Variants in CACNB2 observed in about 807,000 individuals in gnomAD.
CACNB2 encodes the protein calcium voltage-gated channel auxiliary subunit beta 2, also known as voltage-dependent L-type calcium channel subunit beta-2.
A neutral mutation model predicts 73.3 loss-of-function variants in CACNB2; 42 were observed. The observed-to-expected ratio is 0.57, with a 90% CI of 0.45 to 0.74. The LOEUF (loss-of-function observed/expected upper bound fraction) is 0.74, where lower values mean the gene tolerates loss of function less well. Among genes scored for constraint, CACNB2 ranks in the 30% least tolerant of loss-of-function variants. The probability of loss-of-function intolerance (pLI) is 0.00; values close to 1 mark genes in which losing one functional copy is unlikely to be tolerated. For missense variants in CACNB2, 940 were observed against 853.0 expected (o/e 1.10, Z -1.27); for synonymous variants, 348 against 310.3 (o/e 1.12, Z -1.28).
chr10:18,260,135 T>C (rs1265968519), intron 2 of CACNB2, among the ~76,000 whole-genome samples: 1 of 152,184 alleles, frequency 6.6e-6, no homozygotes, highest in Non-Finnish European at 1.5e-5. Context: ...ATCATACCAA[T>C]GAACAGCTGA....
chr10:18,210,788 A>T lies in CACNB2; in HGVS notation c.213+59813A>T, dbSNP rs371296997. Among the ~76,000 whole-genome samples the T allele has an allele frequency of 9.8e-5, 15 of 152,324 alleles. No individual in the cohort carries two copies. In the South Asian group the frequency reaches 1.7e-3, roughly 17 times the overall value. On this transcript the variant is annotated intron_variant, in intron 2 of 13. Transcript: ENST00000324631. The stretch of plus-strand genomic sequence containing the variant: ...TCTCATCATTGAGATCAAGGAACTT[A>T]AATGCTTTTAAGTAAATGTAAAATA...
chr10:18,492,180 A>G (rs2049475704), intron 3 of CACNB2, among the ~76,000 whole-genome samples: 1 of 152,206 alleles, frequency 6.6e-6, no homozygotes, highest in South Asian at 2.1e-4. Flanking sequence ...TCATGAGAAC[A>G]GCACCAAAGG....
At chr10:18,519,896 A>C (rs2051679592) in intron 9 of CACNB2, 7 of 361,866 alleles carry the variant, frequency 1.9e-5, no homozygotes, top group Non-Finnish European at 3.8e-5. Flanking sequence ...CATGAGCAGT[A>C]GTTGACATGG....
intron 3 of CACNB2, among the ~76,000 whole-genome samples, chr10:18,468,013 G>T (rs2047989991): frequency 6.6e-6 from 1 of 152,146 alleles, no homozygotes; most frequent in Non-Finnish European, 1.5e-5. Flanking sequence ...CACAATGTAT[G>T]ACTTGGGCCT....
chr10:18,331,095 C>G (rs918677561), intron 2 of CACNB2, among the ~76,000 whole-genome samples: 17 of 152,150 alleles, frequency 1.1e-4, no homozygotes, highest in African/African-American at 3.6e-4. Context: ...AGGTGATTCT[C>G]CCGCCTCAGC....
intron 2 of CACNB2, among the ~76,000 whole-genome samples, chr10:18,288,796 G>A (rs539814323): frequency 1.3e-5 from 2 of 152,094 alleles, no homozygotes; most frequent in South Asian, 4.1e-4. Context: ...TATAATCCCA[G>A]CACTTTGGGG....
intron 3 of CACNB2, among the ~76,000 whole-genome samples, chr10:18,496,399 A>G (rs995547287): frequency 3.3e-5 from 5 of 152,204 alleles, no homozygotes; most frequent in Non-Finnish European, 7.3e-5. Flanking sequence ...AAATTTGGAA[A>G]TGAAAATGGG....
At position 18,379,630 on chromosome 10, in the gene CACNB2, G is replaced by A. The variant is rs556705913; in HGVS notation, c.214-22294G>A. Among the ~76,000 whole-genome samples the A allele has an allele frequency of 2.0e-5, 3 of 152,152 alleles. No individual in the cohort carries two copies. The South Asian group carries it at 6.2e-4, about 32-fold the overall frequency. Reference sequence around the variant, plus strand: ...TCGTCTTTCCTGGCTGAAACTCTGTGCCCATTAAGCACTAACTCTCCATTC... The same window carrying A: ...TCGTCTTTCCTGGCTGAAACTCTGTACCCATTAAGCACTAACTCTCCATTC... On this transcript the variant is annotated intron_variant, in intron 2 of 13. Coordinates refer to ENST00000324631, the MANE Select transcript of CACNB2 (RefSeq NM_201596.3).
chr10:18,412,953 A>G (rs1196103941), intron 3 of CACNB2, among the ~76,000 whole-genome samples: 3 of 152,024 alleles, frequency 2.0e-5, no homozygotes, highest in African/African-American at 7.2e-5. Context: ...CACATGTTTT[A>G]TTTTATTGTG....
chr10:18,496,128 G>A (rs149849586), intron 3 of CACNB2, among the ~76,000 whole-genome samples: 6,977 of 146,962 alleles, frequency 0.047, 265 homozygotes, highest in African/African-American at 0.11. Context: ...AGAGGTTGCA[G>A]TGAGCTGGGA....
At chr10:18,243,412 A>G (rs1471613690) in intron 2 of CACNB2, among the ~76,000 whole-genome samples, 1 of 152,188 alleles carries the variant, frequency 6.6e-6, no homozygotes, top group Non-Finnish European at 1.5e-5. Context: ...GCTCACGACT[A>G]TGGAAACAAG....
chr10:18,530,728 C>A (rs1200697827), intron 10 of CACNB2, among the ~76,000 whole-genome samples: 1 of 152,180 alleles, frequency 6.6e-6, no homozygotes, highest in Non-Finnish European at 1.5e-5. Flanking sequence ...CATCGTAAGT[C>A]ATGGACTGTC....
At chr10:18,470,643 A>G (rs569216203) in intron 3 of CACNB2, among the ~76,000 whole-genome samples, 7 of 152,108 alleles carry the variant, frequency 4.6e-5, no homozygotes, top group Admixed American at 1.3e-4. Context: ...GTTCACCCCT[A>G]AATTATACAT....
At chr10:18,164,152 A>G (rs185759462) in intron 2 of CACNB2, among the ~76,000 whole-genome samples, 2 of 152,236 alleles carry the variant, frequency 1.3e-5, no homozygotes, top group African/African-American at 4.8e-5. Flanking sequence ...TGCAATCACA[A>G]TGTAAACAGG....
intron 2 of CACNB2, among the ~76,000 whole-genome samples, chr10:18,219,389 G>A (rs1284432114): frequency 1.3e-5 from 2 of 152,166 alleles, no homozygotes; most frequent in African/African-American, 4.8e-5. Flanking sequence ...GTTTCCATGT[G>A]CTGCTGGCAA....
At chr10:18,436,480 C>A (rs1490740119) in intron 3 of CACNB2, among the ~76,000 whole-genome samples, 2 of 152,180 alleles carry the variant, frequency 1.3e-5, no homozygotes, top group East Asian at 3.9e-4. Flanking sequence ...TCTTCCCTGT[C>A]CTCCATCAAT....
chr10:18,407,826 CTT>C (rs1475839777), intron 3 of CACNB2, among the ~76,000 whole-genome samples: 2 of 152,050 alleles, frequency 1.3e-5, no homozygotes, highest in African/African-American at 4.8e-5. Context: ...TTTATAGCTT[CTT>C]GTTTTTATTC....
intron 2 of CACNB2, among the ~76,000 whole-genome samples, chr10:18,346,330 G>A (rs1454620201): frequency 6.6e-6 from 1 of 151,444 alleles, no homozygotes; most frequent in East Asian, 2.0e-4. Flanking sequence ...AGTAGAGACG[G>A]GCTTTCACCA....
intron 2 of CACNB2, among the ~76,000 whole-genome samples, chr10:18,230,252 C>G (rs1349784775): frequency 6.6e-6 from 1 of 152,138 alleles, no homozygotes; most frequent in African/African-American, 2.4e-5. Flanking sequence ...AGAAATAAAT[C>G]AAATCAACAG....
Sources: allele counts gnomAD v4.1 joint callset (sites outside exome capture counted in the v4.1 genomes callset), GRCh38; gene constraint gnomAD v4.1.1; transcripts MANE v1.5; gene names NCBI Gene and HGNC (gene_info 2026-07-23, HGNC 2026-07-21).